Variants in ANKRD12 observed in about 807,000 individuals in gnomAD.
ANKRD12 encodes ankyrin repeat domain-containing protein 12.
A neutral mutation model predicts 183.4 loss-of-function variants in ANKRD12; 85 were observed. That is an observed-to-expected ratio of 0.46 (90% CI 0.39 to 0.56). The LOEUF is 0.56. ANKRD12 is among the 20% of genes least tolerant of loss of function. ANKRD12 has a pLI of 0.00. For missense variants in ANKRD12, 2,405 were observed against 2,357.1 expected, an observed-to-expected ratio of 1.02 and a Z score of -0.42; for synonymous variants, 914 against 800.2, an observed-to-expected ratio of 1.14 and a Z score of -2.40.
At chr18:9,243,559 G>A (rs2037779993) in intron 8 of ANKRD12, among the ~76,000 whole-genome samples, 1 of 152,124 alleles carries the variant, frequency 6.6e-6, no homozygotes, top group African/African-American at 2.4e-5. Flanking sequence ...GGTTACACAG[G>A]GCAGTGGATC....
Position 9,258,725 on chromosome 18 carries a change from C to G in ANKRD12, c.5458C>G (p.Leu1820Val). The G allele has an allele frequency of 6.2e-7, 1 of 1,613,758 alleles. No homozygotes were observed. Among genetic ancestry groups the G allele is most frequent in the Non-Finnish European group, 8.5e-7 (1 of 1,179,864 alleles). Residue 1820 changes from leucine to valine, a missense_variant, in exon 9 of 13, where the codon CTA becomes GTA. By Grantham distance (32) the Leu-to-Val change is conservative. Transcript: ENST00000262126. ...QQSLAAIVDS[L>V]KLDEIQPYSS... is the part of the protein sequence containing the mutation. The stretch of plus-strand genomic sequence containing the variant: ...ATCTCTGGCAGCCATTGTAGATTCT[C>G]TAAAACTAGATGAGATTCAGCCATA...
chr18:9,256,848 A>T lies in ANKRD12; in HGVS notation c.3581A>T (p.Asn1194Ile). ...TTAAACAGGTCTCCTAGATCAGAAA[A>T]TGAAAAGCCGGGTCTCAGCTCCAGA... is the stretch of plus-strand genomic sequence containing the variant. The part of the protein sequence containing the change: ...NSLNRSPRSE[N>I]EKPGLSSRSV... The change falls in exon 9 of 13, where the codon AAT becomes ATT. Residue 1194 changes from asparagine (N) to isoleucine (I), a missense_variant. Around this residue, in one of 7 missense-constraint regions of ANKRD12, gnomAD observed 1,983 missense variants for 1,725.9 expected, o/e 1.15. Coordinates refer to ENST00000262126, the MANE Select transcript of ANKRD12 (RefSeq NM_015208.5). 1 of 1,614,002 alleles carries T rather than the reference A, an allele frequency of 6.2e-7. No homozygotes were observed. Among genetic ancestry groups the T allele is most frequent in the Non-Finnish European group, 8.5e-7 (1 of 1,179,960 alleles).
chr18:9,262,786 C>CT (rs775877613), intron 9 of ANKRD12, among the ~76,000 whole-genome samples: 20,876 of 87,724 alleles, frequency 0.24, 6,725 homozygotes, highest in East Asian at 0.41. Flanking sequence ...CCAAGATGTC[C>CT]CTTTTTTTTT....
In ANKRD12 at chr18:9,258,809, G is replaced by A; in HGVS notation, c.5542G>A (p.Glu1848Lys). 6.2e-7 allele frequency: 1 copy of A among 1,613,830 alleles called. No individual in the cohort carries two copies. ...EYLHIRKKIE[E>K]KRKLLCSVIP... ...CTTGCACATAAGGAAAAAAATAGAAGAAAAACGCAAATTACTGTGTAGTGT... is the reference window on the plus strand; with the variant it reads ...CTTGCACATAAGGAAAAAAATAGAAAAAAAACGCAAATTACTGTGTAGTGT... Residue 1848 changes from glutamate (E) to lysine (K), a missense_variant, in exon 9 of 13, where the codon GAA (glutamate) becomes AAA (lysine). Glu to Lys is a moderately conservative substitution (Grantham distance 56). Around this residue, in one of 7 missense-constraint regions of ANKRD12, gnomAD observed 162 missense variants for 272.2 expected, o/e 0.60. Coordinates refer to ENST00000262126, the MANE Select transcript of ANKRD12 (RefSeq NM_015208.5).
chr18:9,198,913 A>G (rs867032277), intron 3 of ANKRD12, among the ~76,000 whole-genome samples: 3 of 152,146 alleles, frequency 2.0e-5, no homozygotes, highest in Middle Eastern at 3.2e-3. Context: ...ATAATAGCAA[A>G]AAAATCAGGA....
chr18:9,194,745 G>A (rs529036284), intron 2 of ANKRD12, among the ~76,000 whole-genome samples: 15 of 152,244 alleles, frequency 9.9e-5, no homozygotes, highest in Non-Finnish European at 2.2e-4. Flanking sequence ...GCTACATCTA[G>A]ATATAATGGT....
chr18:9,217,664 C>G (rs935526949), intron 7 of ANKRD12, among the ~76,000 whole-genome samples: 1 of 152,140 alleles, frequency 6.6e-6, no homozygotes, highest in African/African-American at 2.4e-5. Context: ...TTCTTGCCTA[C>G]CAGTGGTCTA....
At chr18:9,176,701 G>A (rs369972092) in intron 1 of ANKRD12, among the ~76,000 whole-genome samples, 3 of 152,000 alleles carry the variant, frequency 2.0e-5, no homozygotes, top group Admixed American at 6.6e-5. Context: ...TTTGATGTAC[G>A]TATCTTGGTA....
chr18:9,171,033 C>T (rs1188412013), intron 1 of ANKRD12, among the ~76,000 whole-genome samples: 9 of 152,102 alleles, frequency 5.9e-5, no homozygotes, highest in South Asian at 2.1e-4. Flanking sequence ...GTTGGTGAAC[C>T]GCAAATGCTG....
chr18:9,231,059 G>T (rs949814294), intron 8 of ANKRD12, among the ~76,000 whole-genome samples: 2 of 151,936 alleles, frequency 1.3e-5, no homozygotes, highest in Admixed American at 6.6e-5. Context: ...TTTAATTTTT[G>T]TGTATTTGTA....
chr18:9,239,778 G>C (rs1425985082), intron 8 of ANKRD12, among the ~76,000 whole-genome samples: 1 of 152,128 alleles, frequency 6.6e-6, no homozygotes, highest in Non-Finnish European at 1.5e-5. Context: ...TCATCTATGT[G>C]ACAGATACAC....
intron 7 of ANKRD12, among the ~76,000 whole-genome samples, chr18:9,217,826 G>A (rs2036196984): frequency 6.6e-6 from 1 of 152,068 alleles, no homozygotes; most frequent in South Asian, 2.1e-4. Context: ...GTTGTTTTCT[G>A]TTATTTACTC....
chr18:9,268,917 A>G (rs754856252), intron 10 of ANKRD12, among the ~76,000 whole-genome samples: 1 of 152,246 alleles, frequency 6.6e-6, no homozygotes, highest in Non-Finnish European at 1.5e-5. Context: ...AACCAACTTC[A>G]GCAAAGTCTC....
At chr18:9,187,695 T>C (rs2034183684) in intron 2 of ANKRD12, among the ~76,000 whole-genome samples, 1 of 152,212 alleles carries the variant, frequency 6.6e-6, no homozygotes, top group Non-Finnish European at 1.5e-5. Context: ...CCATTGATTC[T>C]AGTTTAGTTT....
intron 5 of ANKRD12, 106 bp from the exon 6 acceptor site, chr18:9,211,478 G>A (rs56105700): frequency 3.0e-6 from 3 of 984,490 alleles, no homozygotes; most frequent in Non-Finnish European, 4.5e-6. Context: ...GGGTGAGAAG[G>A]CATTCCTTGT....
intron 3 of ANKRD12, 132 bp downstream of exon 3, chr18:9,195,830 A>G (rs1598518227): frequency 2.3e-6 from 2 of 863,958 alleles, no homozygotes; most frequent in Non-Finnish European, 1.6e-6. Context: ...CAGATTTATC[A>G]TTTTGGGGTA....
chr18:9,275,069 T>C (rs957649117), intron 10 of ANKRD12, among the ~76,000 whole-genome samples: 2 of 152,048 alleles, frequency 1.3e-5, no homozygotes, highest in South Asian at 4.1e-4. Flanking sequence ...TCCACACCTA[T>C]AGTACTAGCT....
At chr18:9,177,061 A>T (rs185153549) in intron 1 of ANKRD12, among the ~76,000 whole-genome samples, 1 of 152,346 alleles carries the variant, frequency 6.6e-6, no homozygotes, top group African/African-American at 2.4e-5. Context: ...TATAAACTGC[A>T]TCATTTAGCC....
At chr18:9,176,529 AGTCT>A (rs1443137054) in intron 1 of ANKRD12, among the ~76,000 whole-genome samples, 1 of 152,030 alleles carries the variant, frequency 6.6e-6, no homozygotes, top group Non-Finnish European at 1.5e-5. Flanking sequence ...GAGCTCAAGC[AGTCT>A]GTCTGCCTCA....
Sources: allele counts gnomAD v4.1 joint callset (sites outside exome capture counted in the v4.1 genomes callset), GRCh38; gene constraint gnomAD v4.1.1; regional missense constraint gnomAD v4.1.1; transcripts MANE v1.5; gene names NCBI Gene and HGNC (gene_info 2026-07-23, HGNC 2026-07-21).